ALKBH8: variants seen among roughly 807,000 people sequenced by gnomAD.
ALKBH8 encodes alkB homolog 8, tRNA methyltransferase.
In ALKBH8, 36 loss-of-function variants were observed where a neutral mutation model predicts 59.8. The observed-to-expected ratio is 0.60, with a 90% CI of 0.46 to 0.79. The LOEUF (loss-of-function observed/expected upper bound fraction) is 0.79. Ranked by LOEUF, ALKBH8 falls within the 30% of genes least tolerant of loss-of-function variation. The pLI, the probability that ALKBH8 is intolerant of heterozygous loss-of-function variation, is 0.00. For missense variants in ALKBH8, 768 were observed against 801.0 expected (o/e 0.96, Z 0.50); for synonymous variants, 276 against 273.6 (o/e 1.01, Z -0.09).
chr11:107,540,264 T>C (rs1182448306), intron 7 of ALKBH8, among the ~76,000 whole-genome samples: 1 of 152,194 alleles, frequency 6.6e-6, no homozygotes, highest in Non-Finnish European at 1.5e-5. Context: ...ATCTATTGTA[T>C]AGCAAAAGTT....
At chr11:107,539,436 C>T (rs1025992227) in intron 7 of ALKBH8, among the ~76,000 whole-genome samples, 15 of 151,992 alleles carry the variant, frequency 9.9e-5, no homozygotes, top group African/African-American at 1.4e-4. Context: ...CCCGTTTCTA[C>T]TAGAAATACA....
chr11:107,509,968 G>A (rs4754229), intron 11 of ALKBH8, among the ~76,000 whole-genome samples: 8,092 of 152,170 alleles, frequency 0.053, 441 homozygotes, highest in East Asian at 0.22. Context: ...CAAATGAAGC[G>A]GATTTTTAAA....
At chr11:107,546,268 T>C (rs502318) in intron 7 of ALKBH8, among the ~76,000 whole-genome samples, 21,871 of 152,196 alleles carry the variant, frequency 0.14, 1,971 homozygotes, top group Non-Finnish European at 0.19. Flanking sequence ...GACCAACTCT[T>C]ACGGTACTTG....
rs763469576 is a variant in ALKBH8, at chr11:107,560,835, CT to C, written c.58del (p.Arg20GlyfsTer11). 1.9e-6 allele frequency: 3 copies of C among 1,613,042 alleles called. No individual in the cohort carries two copies. Among genetic ancestry groups the C allele is most frequent in the Non-Finnish European group, 8.5e-7 (1 of 1,179,586 alleles). On this transcript the variant is annotated frameshift_variant, in exon 2 of 12. Coordinates refer to ENST00000428149, the MANE Select transcript of ALKBH8 (RefSeq NM_138775.3). LOFTEE classifies it high-confidence loss of function. The stretch of plus-strand genomic sequence containing the variant: ...AGTATGCTTGGCTTTAATCTGTTTC[CT>C]TAAGAACTTCTTCTCAGTTTTACTG... ...KLSKTEKKFL[R>X]KQIKAKHTLL...
intron 8 of ALKBH8, among the ~76,000 whole-genome samples, chr11:107,529,739 TGA>T (rs1195588339): frequency 6.6e-6 from 1 of 151,982 alleles, no homozygotes; most frequent in African/African-American, 2.4e-5. Context: ...TCCTGACCTG[TGA>T]TCCACCCGCC....
chr11:107,510,455 A>G (rs988191725), intron 11 of ALKBH8, among the ~76,000 whole-genome samples: 1 of 152,188 alleles, frequency 6.6e-6, no homozygotes, highest in Non-Finnish European at 1.5e-5. Context: ...TAACACTCAC[A>G]TGTCAGGGAT....
chr11:107,530,248 T>A (rs192428897), intron 8 of ALKBH8, among the ~76,000 whole-genome samples: 65 of 152,304 alleles, frequency 4.3e-4, no homozygotes, highest in African/African-American at 1.5e-3. Flanking sequence ...GCTAGAATAG[T>A]AAATTTGAAC....
chr11:107,537,838 T>G (rs1863884506), intron 7 of ALKBH8, among the ~76,000 whole-genome samples: 1 of 152,164 alleles, frequency 6.6e-6, no homozygotes. Context: ...AATCAAAATT[T>G]AGATTTCTTT....
At chr11:107,556,490 G>A (rs1864717398) in intron 3 of ALKBH8, among the ~76,000 whole-genome samples, 1 of 152,138 alleles carries the variant, frequency 6.6e-6, no homozygotes, top group African/African-American at 2.4e-5. Flanking sequence ...CAATTAGGCA[G>A]GAGGGTTCCA....
intron 7 of ALKBH8, among the ~76,000 whole-genome samples, chr11:107,541,788 G>C (rs1482931986): frequency 6.6e-6 from 1 of 152,050 alleles, no homozygotes; most frequent in Non-Finnish European, 1.5e-5. Context: ...AAAAATCACA[G>C]GGACCTCAAA....
intron 7 of ALKBH8, among the ~76,000 whole-genome samples, chr11:107,534,092 T>G (rs976671149): frequency 6.6e-6 from 1 of 151,994 alleles, no homozygotes; most frequent in African/African-American, 2.4e-5. Context: ...TTCACGCCAC[T>G]ACACTCCAGC....
chr11:107,548,367 C>CA (rs1864352357), intron 7 of ALKBH8, among the ~76,000 whole-genome samples: 1 of 152,150 alleles, frequency 6.6e-6, no homozygotes, highest in Admixed American at 6.5e-5. Context: ...CATGTTCTGC[C>CA]ATCAGTTTTC....
chr11:107,552,209 A>T (rs1352002935), intron 5 of ALKBH8, among the ~76,000 whole-genome samples: 1 of 151,718 alleles, frequency 6.6e-6, no homozygotes, highest in Non-Finnish European at 1.5e-5. Context: ...GAAATTGTCC[A>T]CTTTCTTTTT....
intron 7 of ALKBH8, among the ~76,000 whole-genome samples, chr11:107,539,135 A>G (rs1019860707): frequency 7.9e-5 from 12 of 152,334 alleles, no homozygotes; most frequent in African/African-American, 2.9e-4. Context: ...GCAGAAGTAC[A>G]CTTTGCTAAG....
At chr11:107,510,150 CTGATTTGTTT>C (rs895695502) in intron 11 of ALKBH8, among the ~76,000 whole-genome samples, 10 of 152,070 alleles carry the variant, frequency 6.6e-5, no homozygotes, top group Non-Finnish European at 1.3e-4. Context: ...AGACAGTTTT[CTGATTTGTTT>C]TGATTTGTTT....
chr11:107,504,994 C>T lies in ALKBH8; in HGVS notation c.1659G>A (p.Ser553=), dbSNP rs370393432. 66 of 1,551,394 alleles carry T rather than the reference C, an allele frequency of 4.3e-5. No individual in the cohort carries two copies. Among genetic ancestry groups the T allele is most frequent in the Non-Finnish European group, 5.1e-5 (58 of 1,146,796 alleles). ...EQMRDMGSRD[S]ASSVPRINDS... is the part of the protein sequence containing the mutation. ...CATTAATGCGGGGGACAGAAGATGCCGAGTCTCGACTGCCCATGTCACGCA... is the reference window on the plus strand; with the variant it reads ...CATTAATGCGGGGGACAGAAGATGCTGAGTCTCGACTGCCCATGTCACGCA... Residue 553 remains serine (S), a synonymous_variant, in exon 12 of 12, where the codon TCG becomes TCA. Transcript: ENST00000428149.
At chr11:107,560,990 A>G in intron 1 of ALKBH8, 91 bp from the exon 2 acceptor site, 1 of 1,194,962 alleles carries the variant, frequency 8.4e-7, no homozygotes, top group East Asian at 2.5e-5. Flanking sequence ...ATAGTTTATC[A>G]ATATTTCTGT....
At chr11:107,564,168 C>G (rs1050662716) in intron 1 of ALKBH8, among the ~76,000 whole-genome samples, 1 of 152,070 alleles carries the variant, frequency 6.6e-6, no homozygotes, top group Non-Finnish European at 1.5e-5. Flanking sequence ...CCAGCCTAAG[C>G]GTACTCTCTG....
intron 10 of ALKBH8, among the ~76,000 whole-genome samples, chr11:107,514,619 T>C (rs1335037000): frequency 6.6e-6 from 1 of 152,222 alleles, no homozygotes; most frequent in Non-Finnish European, 1.5e-5. Flanking sequence ...TTTATTTTCA[T>C]GCATATTCTA....
Sources: allele counts gnomAD v4.1 joint callset (sites outside exome capture counted in the v4.1 genomes callset), GRCh38; gene constraint gnomAD v4.1.1; transcripts MANE v1.5; gene names NCBI Gene and HGNC (gene_info 2026-07-23, HGNC 2026-07-21).